Variants in DEFB119 observed in about 807,000 individuals in gnomAD.
DEFB119 encodes the protein beta-defensin 119.
Under a neutral mutation model 2.5 loss-of-function variants are expected in DEFB119, and 3 were observed. The observed-to-expected ratio is 1.19, with a 90% CI of 0.54 to 3.07. DEFB119 has a LOEUF of 3.07. Among genes scored for constraint, DEFB119 ranks in the 30% most tolerant of loss-of-function variants. DEFB119 has a pLI of 0.03. For synonymous variants in DEFB119, 29 were observed against 33.7 expected, an observed-to-expected ratio of 0.86 and a Z score of 0.48; for missense variants, 113 against 101.1, an observed-to-expected ratio of 1.12 and a Z score of -0.50.
At position 31,378,480 on chromosome 20, in the gene DEFB119, G is replaced by T. The variant is rs1986386614; in HGVS notation, c.62-1041C>A. 5.1e-6 allele frequency: 8 copies of T among 1,573,092 alleles called. No individual in the cohort carries two copies. In the South Asian group the frequency reaches 9.3e-5, roughly 18 times the overall value. Reference sequence around the variant, plus strand: ...TAATATCAAAAACATCCGCGTTCCAGCAAAAATTACTCATCATACTGAGAA... The same window carrying T: ...TAATATCAAAAACATCCGCGTTCCATCAAAAATTACTCATCATACTGAGAA... On this transcript the variant is annotated intron_variant, in intron 1 of 1. Coordinates refer to ENST00000376321, the MANE Select transcript of DEFB119 (RefSeq NM_153289.4).
intron 1 of DEFB119, among the ~76,000 whole-genome samples, chr20:31,383,196 A>G (rs1006733113): frequency 5.3e-5 from 8 of 152,138 alleles, no homozygotes; most frequent in African/African-American, 1.9e-4. Flanking sequence ...GTGGGAGGTA[A>G]TTGAATCATG....
intron 1 of DEFB119, among the ~76,000 whole-genome samples, chr20:31,383,080 G>A (rs187712752): frequency 3.1e-4 from 47 of 152,310 alleles, no homozygotes; most frequent in African/African-American, 9.4e-4. Context: ...AACTGTGTAC[G>A]TAGCTAAAAT....
chr20:31,389,231 C>T, intron 1 of DEFB119: 1 of 1,614,116 alleles, frequency 6.2e-7, no homozygotes, highest in African/African-American at 1.3e-5. Context: ...CAACACTCTA[C>T]TTTGGGGCAT....
At chr20:31,389,685 G>A (rs578104336) in intron 1 of DEFB119, among the ~76,000 whole-genome samples, 11 of 151,926 alleles carry the variant, frequency 7.2e-5, no homozygotes, top group Admixed American at 3.9e-4. Context: ...AGCTCCAGCC[G>A]CATCCCAATC....
chr20:31,388,195 C>T (rs1488379569), intron 1 of DEFB119: 1 of 983,780 alleles, frequency 1.0e-6, no homozygotes, highest in South Asian at 4.7e-5. Context: ...AGCTAAAGTA[C>T]CAATTCAAAT....
rs748692731 is a variant in DEFB119, at chr20:31,390,406, A to G, written c.61+17T>C. On this transcript the variant is annotated intron_variant, in intron 1 of 1. Coordinates refer to ENST00000376321, the MANE Select transcript of DEFB119 (RefSeq NM_153289.4). ...CCATGACCAGGAACCCAGACCCCCG[A>G]GAGAGGTTCACGTTACCTGATATCA... 1.2e-6 allele frequency: 2 copies of G among 1,610,884 alleles called. No homozygotes were observed. Among genetic ancestry groups the G allele is most frequent in the Admixed American group, 1.7e-5 (1 of 59,644 alleles).
intron 1 of DEFB119, chr20:31,388,883 C>A: frequency 6.2e-6 from 9 of 1,449,970 alleles, no homozygotes; most frequent in Admixed American, 2.1e-5. Flanking sequence ...TGACTTCTCT[C>A]GACTAGCTCT....
intron 1 of DEFB119, among the ~76,000 whole-genome samples, chr20:31,378,774 G>C (rs57919603): frequency 6.6e-6 from 1 of 151,952 alleles, no homozygotes; most frequent in Non-Finnish European, 1.5e-5. Context: ...AATCCCTATC[G>C]TTTATAAATT....
chr20:31,378,495 C>A, intron 1 of DEFB119: 1 of 1,536,520 alleles, frequency 6.5e-7, no homozygotes, highest in Non-Finnish European at 8.8e-7. Flanking sequence ...AATTACTCAT[C>A]ATACTGAGAA....
chr20:31,386,160 G>C (rs1986697215), intron 1 of DEFB119, among the ~76,000 whole-genome samples: 1 of 152,106 alleles, frequency 6.6e-6, no homozygotes. Flanking sequence ...GATGAGCAAA[G>C]GAAGAAATCT....
chr20:31,384,882 T>A (rs1986635568), intron 1 of DEFB119, among the ~76,000 whole-genome samples: 1 of 152,208 alleles, frequency 6.6e-6, no homozygotes, highest in African/African-American at 2.4e-5. Flanking sequence ...GTTTTCAACC[T>A]AACCTGAGTC....
rs1417931255 is a variant in DEFB119, at chr20:31,377,264, C to T, written c.237G>A (p.Gln79=). ...EENTDWSYEK[Q]WPRLP ...CCAGCACTCAAGGTAGTCTTGGCCA[C>T]TGCTTCTCATAAGACCAGTCGGTAT... The change falls in exon 2 of 2, where the codon CAG becomes CAA. Residue 79 remains glutamine, a synonymous_variant. Coordinates refer to ENST00000376321, the MANE Select transcript of DEFB119 (RefSeq NM_153289.4). The T allele has an allele frequency of 6.2e-7, 1 of 1,613,004 alleles. No homozygotes were observed. Among genetic ancestry groups the T allele is most frequent in the Non-Finnish European group, 8.5e-7 (1 of 1,179,514 alleles).
chr20:31,390,530 A>C lies in DEFB119; in HGVS notation c.-47T>G. 6.3e-7 allele frequency: 1 copy of C among 1,584,064 alleles called. No individual in the cohort carries two copies. Among genetic ancestry groups the C allele is most frequent in the Non-Finnish European group, 8.6e-7 (1 of 1,156,296 alleles). Reference sequence around the variant, plus strand: ...GAGGTGGCTGAGCTGCAGGGGAAGGAAATAGGGTTCCCTGCAGCACGGCAG... The same window carrying C: ...GAGGTGGCTGAGCTGCAGGGGAAGGCAATAGGGTTCCCTGCAGCACGGCAG... On this transcript the variant is annotated 5_prime_UTR_variant, in exon 1 of 2. Transcript: ENST00000376321.
intron 1 of DEFB119, among the ~76,000 whole-genome samples, chr20:31,390,080 G>A (rs1384129437): frequency 6.6e-6 from 1 of 151,786 alleles, no homozygotes; most frequent in Non-Finnish European, 1.5e-5. Context: ...CCAATCCCAA[G>A]GTTTTTCCTC....
intron 1 of DEFB119, chr20:31,378,474 G>A (rs749505796): frequency 2.9e-5 from 46 of 1,577,814 alleles, no homozygotes; most frequent in Middle Eastern, 3.4e-4. Context: ...AAACATCCGC[G>A]TTCCAGCAAA....
intron 1 of DEFB119, among the ~76,000 whole-genome samples, chr20:31,385,142 G>A (rs6058963): frequency 0.32 from 47,958 of 152,026 alleles, 8,391 homozygotes; most frequent in African/African-American, 0.43. Flanking sequence ...GATGGAGAGT[G>A]AAGAAAGTCT....
At chr20:31,386,321 C>T (rs1348425278) in intron 1 of DEFB119, among the ~76,000 whole-genome samples, 1 of 152,170 alleles carries the variant, frequency 6.6e-6, no homozygotes, top group African/African-American at 2.4e-5. Context: ...CTCTCATGGG[C>T]AGCCTAAGTG....
intron 1 of DEFB119, chr20:31,388,054 G>A (rs1240576507): frequency 2.0e-6 from 2 of 985,260 alleles, no homozygotes; most frequent in African/African-American, 1.7e-5. Context: ...AGTTCAGGGT[G>A]AAAAACTAAC....
chr20:31,378,486 A>G lies in DEFB119; in HGVS notation c.62-1047T>C, dbSNP rs996597308. On this transcript the variant is annotated intron_variant, in intron 1 of 1. Coordinates refer to ENST00000376321, the MANE Select transcript of DEFB119 (RefSeq NM_153289.4). ...CAAAAACATCCGCGTTCCAGCAAAAATTACTCATCATACTGAGAACCAGGA... is the reference window on the plus strand; with the variant it reads ...CAAAAACATCCGCGTTCCAGCAAAAGTTACTCATCATACTGAGAACCAGGA... 1.4e-5 allele frequency: 22 copies of G among 1,567,324 alleles called. 1 individual carries two copies. In the South Asian group the frequency reaches 2.2e-4, roughly 16 times the overall value.
Sources: gnomAD v4.1 joint callset for allele counts (sites outside exome capture counted in the v4.1 genomes callset) on GRCh38, gnomAD v4.1.1 for gene constraint, MANE v1.5 for transcripts, NCBI Gene and HGNC (gene_info 2026-07-23, HGNC 2026-07-21) for gene names.